Variants in ASTN1 observed in about 807,000 individuals in gnomAD.
ASTN1 encodes the protein astrotactin 1.
A neutral mutation model predicts 140.7 loss-of-function variants in ASTN1; 41 were observed. The observed-to-expected ratio is 0.29, with a 90% CI of 0.23 to 0.38. The LOEUF is 0.38. ASTN1 is among the 10% of genes least tolerant of loss of function. ASTN1 has a pLI of 1.00. For synonymous variants in ASTN1, 640 were observed against 652.2 expected (o/e 0.98, Z 0.29); for missense variants, 1,479 against 1,678.8 (o/e 0.88, Z 2.08).
At chr1:176,985,743 T>C (rs1673860920) in intron 8 of ASTN1, among the ~76,000 whole-genome samples, 1 of 152,104 alleles carries the variant, frequency 6.6e-6, no homozygotes, top group Non-Finnish European at 1.5e-5. Context: ...TTCTGAGGTA[T>C]AGGTATTGAA....
chr1:176,868,822 G>A, intron 22 of ASTN1, 22 bp downstream of exon 22: 2 of 1,578,568 alleles, frequency 1.3e-6, no homozygotes, highest in Middle Eastern at 1.7e-4. Flanking sequence ...CTTTAAAAGG[G>A]TTGACTTAGT....
At chr1:176,943,858 G>T in intron 14 of ASTN1, 33 bp downstream of exon 14, 1 of 1,550,118 alleles carries the variant, frequency 6.5e-7, no homozygotes, top group South Asian at 1.2e-5. Flanking sequence ...GCCTGTTTGT[G>T]CCAGTTGAAT....
intron 1 of ASTN1, among the ~76,000 whole-genome samples, chr1:177,125,653 C>G (rs1332530215): frequency 6.6e-6 from 1 of 152,068 alleles, no homozygotes; most frequent in Non-Finnish European, 1.5e-5. Context: ...CCATTCAGAC[C>G]AGGATTCAGT....
At chr1:177,055,623 A>G (rs1295841238) in intron 2 of ASTN1, among the ~76,000 whole-genome samples, 1 of 152,224 alleles carries the variant, frequency 6.6e-6, no homozygotes, top group African/African-American at 2.4e-5. Context: ...TTGAATTGCA[A>G]GAAAAGTCTT....
intron 16 of ASTN1, among the ~76,000 whole-genome samples, chr1:176,920,674 C>T (rs564685231): frequency 6.6e-5 from 10 of 152,272 alleles, no homozygotes; most frequent in East Asian, 1.9e-4. Context: ...CCATGGGTTC[C>T]GCTGAGGGCT....
chr1:176,976,967 G>A (rs1558004932), intron 8 of ASTN1: 2 of 152,364 alleles, frequency 1.3e-5, no homozygotes, highest in South Asian at 2.1e-4. Context: ...TACTAAGTAC[G>A]GTGCAAACCT....
rs142129896 is a variant in ASTN1, at chr1:176,958,064, A to G, written c.1737-236T>C. 1.4e-3 allele frequency among the ~76,000 whole-genome samples: 217 copies of G among 152,346 alleles called. 1 individual carries two copies. Among genetic ancestry groups the G allele is most frequent in the Middle Eastern group, 0.014 (4 of 294 alleles). On this transcript the variant is annotated intron_variant, in intron 10 of 22. Coordinates refer to ENST00000361833, the MANE Select transcript of ASTN1 (RefSeq NM_004319.3). ...CAAAGAAAGAGGTCTAAACTCAGGCAAGGAAATTAACATTTTATTGCTTGT... is the reference window on the plus strand; with the variant it reads ...CAAAGAAAGAGGTCTAAACTCAGGCGAGGAAATTAACATTTTATTGCTTGT...
chr1:177,094,740 A>C (rs1312712510), intron 1 of ASTN1, among the ~76,000 whole-genome samples: 1 of 152,182 alleles, frequency 6.6e-6, no homozygotes, highest in East Asian at 1.9e-4. Context: ...AGTGGTTTTC[A>C]AATTGGGTAA....
chr1:176,906,446 C>T (rs780876860), intron 16 of ASTN1, among the ~76,000 whole-genome samples: 14 of 152,146 alleles, frequency 9.2e-5, no homozygotes, highest in Admixed American at 3.9e-4. Flanking sequence ...AGAAATAATG[C>T]TCATTTTCCA....
At chr1:177,128,139 T>C (rs966909525) in intron 1 of ASTN1, among the ~76,000 whole-genome samples, 2 of 152,186 alleles carry the variant, frequency 1.3e-5, no homozygotes, top group Non-Finnish European at 2.9e-5. Flanking sequence ...TTTAGATGAA[T>C]TAGGGAAAAC....
At chr1:176,888,451 C>A (rs936863889) in intron 17 of ASTN1, among the ~76,000 whole-genome samples, 1 of 152,172 alleles carries the variant, frequency 6.6e-6, no homozygotes, top group Non-Finnish European at 1.5e-5. Flanking sequence ...TAATGGGCTG[C>A]CACTTTGGCA....
At chr1:176,959,267 G>T (rs1557991682) in intron 9 of ASTN1, among the ~76,000 whole-genome samples, 1 of 152,170 alleles carries the variant, frequency 6.6e-6, no homozygotes, top group Non-Finnish European at 1.5e-5. Context: ...TAGTCTGTGG[G>T]ATGAAAGCCA....
At position 176,945,967 on chromosome 1, in the gene ASTN1, G is replaced by A; in HGVS notation, c.2208C>T (p.Ser736=). Residue 736 remains serine (S), a synonymous_variant, in exon 13 of 23, where the codon TCC becomes TCT. Transcript: ENST00000361833. The part of the protein sequence containing the change: ...GEMFFGYNNH[S]KEVAAGQVLK... ...GCACCTGTCCGGCAGCCACTTCCTT[G>A]GAATGGTTGTTGTAACCAAAGAACA... The A allele has an allele frequency of 6.2e-7, 1 of 1,613,798 alleles. No homozygotes were observed. The highest frequency in any genetic ancestry group is 1.1e-5 in the South Asian group (1 of 90,994).
chr1:176,902,653 T>C (rs921388986), intron 16 of ASTN1, among the ~76,000 whole-genome samples: 19 of 152,320 alleles, frequency 1.2e-4, no homozygotes, highest in African/African-American at 4.3e-4. Context: ...TTCTGCTCAG[T>C]AATGGTCAGT....
At chr1:176,961,928 C>G (rs979614139) in intron 9 of ASTN1, among the ~76,000 whole-genome samples, 1 of 152,082 alleles carries the variant, frequency 6.6e-6, no homozygotes, top group African/African-American at 2.4e-5. Context: ...TGCACACAGC[C>G]CTGTGTTCAA....
At chr1:176,876,418 C>T in intron 21 of ASTN1, 119 bp downstream of exon 21, 1 of 1,062,590 alleles carries the variant, frequency 9.4e-7, no homozygotes, top group Non-Finnish European at 1.4e-6. Flanking sequence ...CTTGAATTCT[C>T]CTTCCCTGCT....
chr1:177,050,256 T>A (rs11577495), intron 2 of ASTN1, among the ~76,000 whole-genome samples: 12,305 of 152,184 alleles, frequency 0.081, 1,038 homozygotes, highest in African/African-American at 0.22. Context: ...CATATGGATC[T>A]CTCATATAGC....
At chr1:177,137,006 G>T (rs1366184689) in intron 1 of ASTN1, among the ~76,000 whole-genome samples, 1 of 152,164 alleles carries the variant, frequency 6.6e-6, no homozygotes, top group Non-Finnish European at 1.5e-5. Flanking sequence ...TCTACCCACT[G>T]GATGCCTGTA....
chr1:177,111,852 G>C (rs767403906), intron 1 of ASTN1, among the ~76,000 whole-genome samples: 5 of 152,146 alleles, frequency 3.3e-5, no homozygotes, highest in African/African-American at 7.2e-5. Context: ...TTAAGAGTCG[G>C]TAGCAGCCCT....
Sources: allele counts gnomAD v4.1 joint callset (sites outside exome capture counted in the v4.1 genomes callset), GRCh38; gene constraint gnomAD v4.1.1; transcripts MANE v1.5; gene names NCBI Gene and HGNC (gene_info 2026-07-23, HGNC 2026-07-21).